The following FREM1 variants were observed in gnomAD, a reference collection of about 807,000 sequenced individuals.
The protein encoded by FREM1 is FRAS1 related extracellular matrix 1.
A neutral mutation model predicts 210.1 loss-of-function variants in FREM1; 220 were observed. The observed-to-expected ratio is 1.05, with a 90% CI of 0.94 to 1.17. FREM1 has a LOEUF of 1.17. Ranked by LOEUF, FREM1 falls within the 50% of genes most tolerant of loss-of-function variation. FREM1 has a pLI of 0.00. For missense variants in FREM1, 3,454 were observed against 2,675.5 expected, an observed-to-expected ratio of 1.29 and a Z score of -6.42; for synonymous variants, 1,189 against 980.2, an observed-to-expected ratio of 1.21 and a Z score of -3.98.
At chr9:14,880,007 G>A (rs186919594) in intron 1 of FREM1, among the ~76,000 whole-genome samples, 1 of 152,232 alleles carries the variant, frequency 6.6e-6, no homozygotes, top group Non-Finnish European at 1.5e-5. Flanking sequence ...TTAGGAGGTA[G>A]GGCCTTGTGG....
At chr9:14,779,244 C>T (rs1849251291) in intron 24 of FREM1, among the ~76,000 whole-genome samples, 1 of 152,160 alleles carries the variant, frequency 6.6e-6, no homozygotes, top group African/African-American at 2.4e-5. Context: ...CTGTTCCTTA[C>T]CAGATCCCTG....
chr9:14,856,697 G>C (rs555850260), intron 5 of FREM1, among the ~76,000 whole-genome samples: 4 of 152,182 alleles, frequency 2.6e-5, no homozygotes, highest in African/African-American at 9.6e-5. Context: ...GCCGGGCGTG[G>C]TGGCAGGCGC....
intron 1 of FREM1, among the ~76,000 whole-genome samples, chr9:14,879,558 G>T (rs1347015496): frequency 6.6e-6 from 1 of 152,204 alleles, no homozygotes; most frequent in African/African-American, 2.4e-5. Context: ...AGTGTCCATA[G>T]TGGAAACTGC....
intron 1 of FREM1, among the ~76,000 whole-genome samples, chr9:14,886,487 C>T (rs982234598): frequency 1.3e-5 from 2 of 150,924 alleles, no homozygotes; most frequent in East Asian, 1.9e-4. Context: ...CCCACCCAAA[C>T]GGAAGAGATT....
chr9:14,834,340 T>C, intron 10 of FREM1, among the ~76,000 whole-genome samples: 1 of 152,178 alleles, frequency 6.6e-6, no homozygotes. Context: ...ATATGGTCTT[T>C]TCTTAAATTA....
At position 14,784,531 on chromosome 9, in the gene FREM1, C is replaced by T; in HGVS notation, c.4281G>A (p.Glu1427=). 1 of 1,613,740 alleles carries T rather than the reference C, an allele frequency of 6.2e-7. No individual in the cohort carries two copies. The highest frequency in any genetic ancestry group is 1.1e-5 in the South Asian group (1 of 91,040). The change falls in exon 24 of 37, where the codon GAG becomes GAA. Residue 1427 remains glutamate (E), a synonymous_variant. Coordinates refer to ENST00000380880, the MANE Select transcript of FREM1 (RefSeq NM_001379081.2). ...LLAVDGTDKP[E]ELLYVITSPP... ...GGGAGGTGATGACATAGAGCAGTTC[C>T]TCAGGCTTGTCTGTTCCGTCCACAG...
intron 16 of FREM1, among the ~76,000 whole-genome samples, chr9:14,810,701 T>C (rs1819247926): frequency 6.6e-6 from 1 of 152,202 alleles, no homozygotes; most frequent in African/African-American, 2.4e-5. Context: ...ATATATATTT[T>C]AATAAACATT....
chr9:14,834,446 G>T (rs2131036461), intron 10 of FREM1, among the ~76,000 whole-genome samples: 1 of 152,240 alleles, frequency 6.6e-6, no homozygotes, highest in East Asian at 1.9e-4. Context: ...TCACCTCATG[G>T]TCAAATTGAT....
At chr9:14,835,709 T>C (rs1186036281) in intron 10 of FREM1, among the ~76,000 whole-genome samples, 2 of 152,176 alleles carry the variant, frequency 1.3e-5, no homozygotes, top group Non-Finnish European at 2.9e-5. Context: ...TGAAACAGCG[T>C]TTCATCAAAG....
intron 1 of FREM1, among the ~76,000 whole-genome samples, chr9:14,884,979 C>T (rs1292699582): frequency 1.8e-5 from 2 of 111,862 alleles, no homozygotes; most frequent in Non-Finnish European, 3.2e-5. Flanking sequence ...GGCTGGAGTG[C>T]AGTGGTGCGA....
At chr9:14,849,713 G>A (rs910728203) in intron 6 of FREM1, among the ~76,000 whole-genome samples, 3 of 152,188 alleles carry the variant, frequency 2.0e-5, no homozygotes, top group African/African-American at 7.2e-5. Flanking sequence ...CCTGGCCCAG[G>A]GCTTCCAGTC....
At chr9:14,844,240 T>C (rs1010447982) in intron 8 of FREM1, among the ~76,000 whole-genome samples, 1 of 129,236 alleles carries the variant, frequency 7.7e-6, no homozygotes, top group Non-Finnish European at 1.8e-5. Context: ...TTTTTTTTTT[T>C]CTTTAGACGG....
chr9:14,892,456 C>G (rs918084747), intron 1 of FREM1, among the ~76,000 whole-genome samples: 2 of 152,120 alleles, frequency 1.3e-5, no homozygotes, highest in Admixed American at 1.3e-4. Context: ...CTTGACCGAA[C>G]TTGGGTTTGA....
Position 14,851,580 on chromosome 9 carries a change from T to A in FREM1, c.856A>T (p.Ile286Phe). ...KSESAWLPVY[I>F]RAGIPNQIPK... ...ATCTGATTCGGAATTCCAGCTCTGA[T>A]ATAGACAGGCAGCCACGCACTCTCT... Residue 286 changes from isoleucine to phenylalanine, a missense_variant, in exon 6 of 37, where the codon ATC becomes TTC. Physicochemically the swap from Ile to Phe is conservative, Grantham distance 21 (BLOSUM62 0). Transcript: ENST00000380880. 1 of 1,613,892 alleles carries A rather than the reference T, an allele frequency of 6.2e-7. No homozygotes were observed. Among genetic ancestry groups the A allele is most frequent in the South Asian group, 1.1e-5 (1 of 91,074 alleles).
intron 5 of FREM1, among the ~76,000 whole-genome samples, chr9:14,853,891 A>G (rs1376801761): frequency 1.3e-5 from 2 of 152,236 alleles, no homozygotes; most frequent in African/African-American, 4.8e-5. Context: ...TGCTAAGACC[A>G]ATTGAGTCTA....
intron 3 of FREM1, among the ~76,000 whole-genome samples, chr9:14,862,132 T>C (rs1307156481): frequency 1.3e-5 from 2 of 152,236 alleles, no homozygotes; most frequent in African/African-American, 2.4e-5. Flanking sequence ...CAGCATTTTG[T>C]GACTCTCTTT....
chr9:14,754,758 C>A (rs1213412527), intron 29 of FREM1, among the ~76,000 whole-genome samples: 1 of 151,976 alleles, frequency 6.6e-6, no homozygotes, highest in African/African-American at 2.4e-5. Flanking sequence ...AAGGTGAAAC[C>A]CCGTCTCTAC....
chr9:14,896,328 G>A (rs576732001), intron 1 of FREM1, among the ~76,000 whole-genome samples: 7 of 152,172 alleles, frequency 4.6e-5, no homozygotes, highest in Middle Eastern at 3.4e-3. Flanking sequence ...GGCAGATCAC[G>A]AGGTCAGGAG....
chr9:14,766,796 G>A (rs901766144), intron 27 of FREM1, among the ~76,000 whole-genome samples: 2 of 152,086 alleles, frequency 1.3e-5, no homozygotes, highest in African/African-American at 4.8e-5. Context: ...TCCTGTCTAA[G>A]CCAAAGAACA....
Sources: allele counts gnomAD v4.1 joint callset (sites outside exome capture counted in the v4.1 genomes callset), GRCh38; gene constraint gnomAD v4.1.1; transcripts MANE v1.5; gene names NCBI Gene and HGNC (gene_info 2026-07-23, HGNC 2026-07-21).